The following FRRS1L variants were observed in gnomAD, a reference collection of about 807,000 sequenced individuals.
The protein encoded by FRRS1L is DOMON domain-containing protein FRRS1L.
FRRS1L carries 22 observed loss-of-function variants against 28.6 expected under a neutral mutation model. The ratio of observed to expected loss-of-function variants is 0.77; its 90% CI spans 0.55 to 1.10. FRRS1L has a LOEUF of 1.10. Among genes scored for constraint, FRRS1L ranks in the 50% least tolerant of loss-of-function variants. The pLI is 0.00. For synonymous variants in FRRS1L, 158 were observed against 151.4 expected (o/e 1.04, Z -0.32); for missense variants, 380 against 386.9 (o/e 0.98, Z 0.15).
chr9:109,165,486 C>G (rs1171019653), intron 1 of FRRS1L, among the ~76,000 whole-genome samples: 1 of 152,150 alleles, frequency 6.6e-6, no homozygotes, highest in Non-Finnish European at 1.5e-5. Context: ...CCCACCAGCC[C>G]CAGACCAACC....
intron 1 of FRRS1L, among the ~76,000 whole-genome samples, chr9:109,161,827 G>A (rs979966914): frequency 2.0e-5 from 3 of 152,056 alleles, no homozygotes; most frequent in Non-Finnish European, 2.9e-5. Context: ...CTTTCCCGAC[G>A]GCCTCAATTT....
chr9:109,146,225 T>A (rs67975977), intron 3 of FRRS1L, among the ~76,000 whole-genome samples: 23,301 of 143,018 alleles, frequency 0.16, 2,002 homozygotes, highest in African/African-American at 0.2. Flanking sequence ...ACAAATAAAT[T>A]AAATAAATAA....
At chr9:109,150,843 A>C (rs1011740338) in intron 1 of FRRS1L, 1 of 152,252 alleles carries the variant, frequency 6.6e-6, no homozygotes, top group African/African-American at 2.4e-5. Context: ...TGCCCAGCAT[A>C]GTGCTTGGCA....
intron 1 of FRRS1L, among the ~76,000 whole-genome samples, chr9:109,158,586 C>A (rs897979762): frequency 6.6e-6 from 1 of 152,190 alleles, no homozygotes; most frequent in Non-Finnish European, 1.5e-5. Context: ...TGGAATCATA[C>A]AACATGTGGT....
intron 3 of FRRS1L, among the ~76,000 whole-genome samples, chr9:109,144,769 C>T (rs868688396): frequency 8.6e-5 from 13 of 151,872 alleles, no homozygotes; most frequent in African/African-American, 2.2e-4. Context: ...CTGCAACCTC[C>T]GCCTCCTGGG....
At position 109,141,487 on chromosome 9, in the gene FRRS1L, G is replaced by T. The variant is rs548294781; in HGVS notation, c.565C>A (p.Pro189Thr). Residue 189 changes from proline to threonine, a missense_variant, in exon 4 of 5, where the codon CCT becomes ACT. Pro to Thr is a conservative substitution (Grantham distance 38). Coordinates refer to ENST00000561981, the MANE Select transcript of FRRS1L (RefSeq NM_014334.4). The stretch of plus-strand genomic sequence containing the variant: ...AAAACTCCTTCTTCATCTCTGGCAG[G>T]GTTTCTCTGAATCTCCTTTGCCCAC... ...GQWAKEIQRN[P>T]ARDEEGVFEN... 2 of 1,614,056 alleles carry T rather than the reference G, an allele frequency of 1.2e-6. No individual in the cohort carries two copies. The highest frequency in any genetic ancestry group is 1.1e-5 in the South Asian group (1 of 91,068).
intron 1 of FRRS1L, among the ~76,000 whole-genome samples, chr9:109,155,111 G>T (rs1223552351): frequency 6.6e-6 from 1 of 152,182 alleles, no homozygotes; most frequent in East Asian, 1.9e-4. Flanking sequence ...CAGCTCCACT[G>T]CATTAGCCTG....
At chr9:109,145,931 C>T (rs571646591) in intron 3 of FRRS1L, among the ~76,000 whole-genome samples, 14 of 152,196 alleles carry the variant, frequency 9.2e-5, no homozygotes, top group Non-Finnish European at 4.4e-5. Context: ...TACGGTGGCT[C>T]ATGCCTGTAA....
In FRRS1L at chr9:109,131,643, A is replaced by G. The variant is rs146759349; in HGVS notation, c.*5812T>C. 1 of 152,354 alleles carries G rather than the reference A, an allele frequency of 6.6e-6. No individual in the cohort carries two copies. Among genetic ancestry groups the G allele is most frequent in the Non-Finnish European group, 1.5e-5 (1 of 68,028 alleles). 9.4% of individuals were successfully genotyped at this position (152,354 alleles called of 1,614,324 possible). ...AATTATGGGACATAACCCCATTGTA[A>G]GTTGTAGGAATGTATCAAATGTATA... On this transcript the variant is annotated 3_prime_UTR_variant, in exon 5 of 5. Transcript: ENST00000561981.
At chr9:109,166,212 C>T (rs1831546587) in intron 1 of FRRS1L, among the ~76,000 whole-genome samples, 1 of 152,180 alleles carries the variant, frequency 6.6e-6, no homozygotes, top group African/African-American at 2.4e-5. Flanking sequence ...ATCCGCTTGG[C>T]TTTTGTGCTC....
At chr9:109,155,703 C>CAAAA (rs539557102) in intron 1 of FRRS1L, among the ~76,000 whole-genome samples, 13,659 of 80,592 alleles carry the variant, frequency 0.17, 1,195 homozygotes, top group Non-Finnish European at 0.19. Flanking sequence ...GACTCCATCT[C>CAAAA]AAAAAAAAAA....
At chr9:109,158,627 A>G (rs890496428) in intron 1 of FRRS1L, among the ~76,000 whole-genome samples, 4 of 152,188 alleles carry the variant, frequency 2.6e-5, no homozygotes, top group African/African-American at 9.7e-5. Context: ...CACTTAGCAT[A>G]ATATTTTCAA....
chr9:109,146,197 C>T (rs1831259729), intron 3 of FRRS1L, among the ~76,000 whole-genome samples: 1 of 150,478 alleles, frequency 6.6e-6, no homozygotes, highest in Non-Finnish European at 1.5e-5. Flanking sequence ...AACTCTATCT[C>T]AACAAACAAA....
intron 1 of FRRS1L, among the ~76,000 whole-genome samples, chr9:109,161,353 T>C (rs1277919558): frequency 6.6e-6 from 1 of 152,232 alleles, no homozygotes; most frequent in East Asian, 1.9e-4. Context: ...TACATTAATA[T>C]TGGCTTGGGG....
chr9:109,152,625 A>T (rs902588775), intron 1 of FRRS1L, among the ~76,000 whole-genome samples: 4 of 151,144 alleles, frequency 2.6e-5, no homozygotes, highest in Non-Finnish European at 5.9e-5. Context: ...TAACACAGTG[A>T]AACCCGTCTC....
At chr9:109,160,578 G>A (rs1283494363) in intron 1 of FRRS1L, among the ~76,000 whole-genome samples, 5 of 151,790 alleles carry the variant, frequency 3.3e-5, no homozygotes, top group Non-Finnish European at 7.4e-5. Flanking sequence ...TGTAGAGATG[G>A]GGTATCACTT....
chr9:109,164,213 C>G (rs1410436265), intron 1 of FRRS1L, among the ~76,000 whole-genome samples: 1 of 152,096 alleles, frequency 6.6e-6, no homozygotes, highest in Non-Finnish European at 1.5e-5. Flanking sequence ...AACTAGCACC[C>G]ACCGGATGGT....
At chr9:109,143,434 G>A (rs947783469) in intron 3 of FRRS1L, among the ~76,000 whole-genome samples, 11 of 152,048 alleles carry the variant, frequency 7.2e-5, no homozygotes, top group Non-Finnish European at 7.4e-5. Context: ...CTGTACCTTC[G>A]GCTCCATTTC....
chr9:109,156,695 T>G (rs1351515705), intron 1 of FRRS1L, among the ~76,000 whole-genome samples: 2 of 151,290 alleles, frequency 1.3e-5, no homozygotes, highest in African/African-American at 2.4e-5. Flanking sequence ...GGATGTTTTT[T>G]TTTTTTTTTT....
Sources: gnomAD v4.1 joint callset for allele counts (sites outside exome capture counted in the v4.1 genomes callset) on GRCh38, gnomAD v4.1.1 for gene constraint, MANE v1.5 for transcripts, NCBI Gene and HGNC (gene_info 2026-07-23, HGNC 2026-07-21) for gene names.